Variants in ADAMTSL1 observed in about 807,000 individuals in gnomAD.
The protein encoded by ADAMTSL1 is ADAMTS-like protein 1.
ADAMTSL1 carries 126 observed loss-of-function variants against 201.8 expected under a neutral mutation model. The ratio of observed to expected loss-of-function variants is 0.62; its 90% CI spans 0.54 to 0.72. The LOEUF (loss-of-function observed/expected upper bound fraction) is 0.72. Ranked by LOEUF, ADAMTSL1 falls within the 30% of genes least tolerant of loss-of-function variation. The pLI, the probability that ADAMTSL1 is intolerant of heterozygous loss-of-function variation, is 0.00. For missense variants in ADAMTSL1, 2,679 were observed against 2,277.8 expected (o/e 1.18, Z -3.59); for synonymous variants, 1,121 against 903.4 (o/e 1.24, Z -4.32).
Position 18,092,038 on chromosome 9 carries a change from G to A in ADAMTSL1, c.88-71824G>A, listed in dbSNP as rs114303597. Among the ~76,000 whole-genome samples, 1,426 of 152,112 alleles carry A rather than the reference G, an allele frequency of 9.4e-3. 22 individuals are homozygous for A. Among genetic ancestry groups the A allele is most frequent in the South Asian group, 0.044 (211 of 4,820 alleles). ...ATTTGATATTTCCTCTGATATTTTT[G>A]TTCATCTGTAGATACATCTGGGATA... On this transcript the variant is annotated intron_variant, in intron 1 of 29. Coordinates refer to the ADAMTSL1 transcript ENST00000680146.
intron 1 of ADAMTSL1, among the ~76,000 whole-genome samples, chr9:18,113,775 T>A (rs1825130212): frequency 6.6e-6 from 1 of 152,136 alleles, no homozygotes; most frequent in African/African-American, 2.4e-5. Flanking sequence ...ATATTAAAAT[T>A]AAGTATATTG....
In ADAMTSL1 at chr9:18,707,010, A is replaced by G; in HGVS notation, c.1838A>G (p.Tyr613Cys). The G allele has an allele frequency of 7.4e-6, 12 of 1,613,894 alleles. No homozygotes were observed. Among genetic ancestry groups the G allele is most frequent in the Non-Finnish European group, 1.0e-5 (12 of 1,179,854 alleles). Residue 613 changes from tyrosine (Y) to cysteine (C), a missense_variant, in exon 14 of 29, where the codon TAT becomes TGT. Transcript: ENST00000380548. Reference sequence around the variant, plus strand: ...TTCGACGAGCTGTATGACTGGGAGTATGAGGGGTTCACCAAGTGCTCCGAG... The same window carrying G: ...TTCGACGAGCTGTATGACTGGGAGTGTGAGGGGTTCACCAAGTGCTCCGAG... ...QDFDELYDWE[Y>C]EGFTKCSESC... is the part of the protein sequence containing the mutation.
intron 1 of ADAMTSL1, among the ~76,000 whole-genome samples, chr9:17,991,275 C>T (rs540897242): frequency 2.0e-5 from 3 of 152,166 alleles, no homozygotes; most frequent in South Asian, 2.1e-4. Flanking sequence ...AAGCAGTGTA[C>T]GTGTTATTCC....
chr9:18,045,992 G>C (rs1248870174), intron 1 of ADAMTSL1, among the ~76,000 whole-genome samples: 1 of 152,168 alleles, frequency 6.6e-6, no homozygotes, highest in Non-Finnish European at 1.5e-5. Flanking sequence ...TAAAGTACTG[G>C]TTTCTCTGGG....
At chr9:18,050,251 T>C (rs1273890315) in intron 1 of ADAMTSL1, among the ~76,000 whole-genome samples, 7 of 152,192 alleles carry the variant, frequency 4.6e-5, no homozygotes, top group African/African-American at 1.7e-4. Flanking sequence ...GATTTTGATA[T>C]AACAAATTCT....
At chr9:18,418,228 C>A (rs1463645573) in intron 2 of ADAMTSL1, among the ~76,000 whole-genome samples, 2 of 152,098 alleles carry the variant, frequency 1.3e-5, no homozygotes, top group South Asian at 2.1e-4. Flanking sequence ...AAAAACCCAA[C>A]CAAACAAACA....
At chr9:18,320,948 CAA>C (rs2132852115) in intron 2 of ADAMTSL1, among the ~76,000 whole-genome samples, 2 of 151,896 alleles carry the variant, frequency 1.3e-5, no homozygotes, top group South Asian at 4.2e-4. Context: ...AAATAGAAAA[CAA>C]ATAACAAAAT....
chr9:18,318,714 C>T (rs894758795), intron 2 of ADAMTSL1, among the ~76,000 whole-genome samples: 1 of 151,790 alleles, frequency 6.6e-6, no homozygotes, highest in African/African-American at 2.4e-5. Flanking sequence ...CCATGTTTCT[C>T]GTAGCTAATT....
chr9:18,722,099 A>G (rs913966505), intron 15 of ADAMTSL1, among the ~76,000 whole-genome samples: 1 of 152,154 alleles, frequency 6.6e-6, no homozygotes, highest in Non-Finnish European at 1.5e-5. Flanking sequence ...TGTGAAATCT[A>G]TATGCACACA....
chr9:18,479,686 TG>T (rs1242104569), intron 1 of ADAMTSL1, among the ~76,000 whole-genome samples: 1 of 152,156 alleles, frequency 6.6e-6, no homozygotes, highest in Non-Finnish European at 1.5e-5. Flanking sequence ...CACAAAGCTG[TG>T]GGGGACAGCA....
intron 3 of ADAMTSL1, 127 bp from the exon 4 acceptor site, chr9:18,573,903 T>C: frequency 1.4e-6 from 1 of 693,492 alleles, no homozygotes. Flanking sequence ...TATTATAAGT[T>C]CCATCTATCA....
rs1377358387 is a variant in ADAMTSL1, at chr9:17,925,734, T to C, written c.87+18812T>C. On this transcript the variant is annotated intron_variant, in intron 1 of 29. Coordinates refer to the ADAMTSL1 transcript ENST00000680146. ...GTGGGGGGAGGGGGGAGGGATAGCA[T>C]TGGGAGATATACCTAATGCTAGATG... is the stretch of plus-strand genomic sequence containing the variant. 8.4e-5 allele frequency among the ~76,000 whole-genome samples: 12 copies of C among 142,022 alleles called. No homozygotes were observed. The South Asian group carries it at 9.8e-4, about 12-fold the overall frequency. The allele number at this position is 142,022 out of a possible 152,430, so 93.2% of individuals were successfully genotyped here.
At chr9:18,321,165 A>G (rs775508419) in intron 2 of ADAMTSL1, among the ~76,000 whole-genome samples, 4 of 152,212 alleles carry the variant, frequency 2.6e-5, no homozygotes, top group African/African-American at 4.8e-5. Flanking sequence ...GCATGGCTCT[A>G]TTAATGTCAT....
At position 18,881,758 on chromosome 9, in the gene ADAMTSL1, A is replaced by G. The variant is rs118086434; in HGVS notation, c.4250-6073A>G. On this transcript the variant is annotated intron_variant, in intron 23 of 28. Coordinates refer to ENST00000380548, the MANE Select transcript of ADAMTSL1 (RefSeq NM_001040272.6). Reference sequence around the variant, plus strand: ...CATGAAGTGCAATAAAGCAAAGTACAATAAAGTGAGGTATGCCTGTATTAT... The same window carrying G: ...CATGAAGTGCAATAAAGCAAAGTACGATAAAGTGAGGTATGCCTGTATTAT... Among the ~76,000 whole-genome samples the G allele has an allele frequency of 6.3e-4, 96 of 152,336 alleles. 1 individual carries two copies. In the East Asian group the frequency reaches 0.016, roughly 25 times the overall value.
chr9:18,520,055 T>A (rs993784759), intron 2 of ADAMTSL1, among the ~76,000 whole-genome samples: 1 of 152,220 alleles, frequency 6.6e-6, no homozygotes, highest in Non-Finnish European at 1.5e-5. Flanking sequence ...ATTTTTCTAG[T>A]TATAGTTTAG....
intron 23 of ADAMTSL1, among the ~76,000 whole-genome samples, chr9:18,868,930 A>G (rs151195908): frequency 7.2e-5 from 11 of 152,306 alleles, no homozygotes; most frequent in African/African-American, 2.6e-4. Context: ...CCTAATCTCC[A>G]GTACCTGTGG....
intron 1 of ADAMTSL1, among the ~76,000 whole-genome samples, chr9:17,926,916 A>C (rs2131307445): frequency 6.6e-6 from 1 of 152,340 alleles, no homozygotes; most frequent in South Asian, 2.1e-4. Context: ...ATATAACACA[A>C]TTGACCATCA....
In ADAMTSL1 at chr9:18,538,137, G is replaced by A. The variant is rs150451073; in HGVS notation, c.237+4845G>A. 1.7e-4 allele frequency among the ~76,000 whole-genome samples: 26 copies of A among 152,256 alleles called. 1 individual carries two copies. The East Asian group carries it at 4.1e-3, about 24-fold the overall frequency. On this transcript the variant is annotated intron_variant, in intron 3 of 28. Coordinates refer to ENST00000380548, the MANE Select transcript of ADAMTSL1 (RefSeq NM_001040272.6). ...AATGGATGCAAAGCAGGGGGAAGAA[G>A]CAGAAATTCCAGCAGGGGGATCATT...
chr9:17,933,546 T>A (rs1277477375), intron 1 of ADAMTSL1, among the ~76,000 whole-genome samples: 1 of 152,168 alleles, frequency 6.6e-6, no homozygotes, highest in Non-Finnish European at 1.5e-5. Flanking sequence ...CTCACAGTGC[T>A]ATAAAGAAAT....
Sources: gnomAD v4.1 joint callset for allele counts (sites outside exome capture counted in the v4.1 genomes callset) on GRCh38, gnomAD v4.1.1 for gene constraint, MANE v1.5 for transcripts, NCBI Gene and HGNC (gene_info 2026-07-23, HGNC 2026-07-21) for gene names.